PIK3C2A: variants seen among roughly 807,000 people sequenced by gnomAD.
PIK3C2A encodes the protein phosphatidylinositol-4-phosphate 3-kinase catalytic subunit type 2 alpha.
In PIK3C2A, 97 loss-of-function variants were observed where a neutral mutation model predicts 204.5. That is an observed-to-expected ratio of 0.47 (90% confidence interval 0.40 to 0.56). The LOEUF (loss-of-function observed/expected upper bound fraction) is 0.56. Among genes scored for constraint, PIK3C2A ranks in the 20% least tolerant of loss-of-function variants. PIK3C2A has a pLI of 0.00. For missense variants in PIK3C2A, 1,735 were observed against 1,969.2 expected (o/e 0.88, Z 2.25); for synonymous variants, 653 against 664.4 (o/e 0.98, Z 0.26).
intron 24 of PIK3C2A, among the ~76,000 whole-genome samples, chr11:17,102,317 G>C (rs1035577805): frequency 6.7e-4 from 102 of 152,070 alleles, no homozygotes; most frequent in Non-Finnish European, 1.2e-3. Context: ...GGCGCCTGTA[G>C]TCCCAGCTAC....
At chr11:17,145,530 A>G in intron 8 of PIK3C2A, 138 bp downstream of exon 8, 1 of 591,054 alleles carries the variant, frequency 1.7e-6, no homozygotes, top group Non-Finnish European at 3.0e-6. Context: ...AATTAAACCT[A>G]TTTTCTTTAT....
At chr11:17,124,769 A>T (rs1459792029) in intron 13 of PIK3C2A, among the ~76,000 whole-genome samples, 1 of 152,174 alleles carries the variant, frequency 6.6e-6, no homozygotes, top group African/African-American at 2.4e-5. Context: ...TTACAGAAAA[A>T]GTTTGTTAAC....
chr11:17,158,833 G>A (rs6416174), intron 2 of PIK3C2A, among the ~76,000 whole-genome samples: 143,490 of 152,238 alleles, frequency 0.94, 68,207 homozygotes, highest in Non-Finnish European at 1. Flanking sequence ...TGTGTCTCTC[G>A]TGAATTAGGT....
chr11:17,102,969 T>C (rs558977132), intron 23 of PIK3C2A, 138 bp from the exon 24 acceptor site: 140 of 568,566 alleles, frequency 2.5e-4, no homozygotes, highest in African/African-American at 2.1e-3. Flanking sequence ...AACTGGGATA[T>C]AGTAATAAAA....
intron 18 of PIK3C2A, 45 bp from the exon 19 acceptor site, chr11:17,117,716 T>C (rs923125066): frequency 1.7e-6 from 2 of 1,174,406 alleles, no homozygotes; most frequent in African/African-American, 1.6e-5. Context: ...TGGTTTTTTT[T>C]TTTTTTTTTT....
chr11:17,105,275 G>C lies in PIK3C2A; in HGVS notation c.3575C>G (p.Thr1192Ser). The C allele has an allele frequency of 6.2e-7, 1 of 1,610,326 alleles. No individual in the cohort carries two copies. The highest frequency in any genetic ancestry group is 8.5e-7 in the Non-Finnish European group (1 of 1,178,164). The change falls in exon 23 of 33, where the codon ACC becomes AGC. Residue 1192 changes from threonine (T) to serine (S), a missense_variant. This residue lies in a region of PIK3C2A where 503 missense variants were observed against 669.0 expected (regional missense o/e 0.75). Coordinates refer to ENST00000691414, the MANE Select transcript of PIK3C2A (RefSeq NM_002645.4). ...GMVELVPASD[T>S]LRKIQVEYGV... ...ATATTCCACTTGGATTTTCCTGAGG[G>C]TATCGGAAGCAGGAACCAGCTCCAC... is the stretch of plus-strand genomic sequence containing the variant.
chr11:17,149,032 G>C (rs888160502), intron 4 of PIK3C2A, among the ~76,000 whole-genome samples: 11 of 152,016 alleles, frequency 7.2e-5, no homozygotes, highest in African/African-American at 2.4e-4. Flanking sequence ...TGTTGGTTCT[G>C]CATCTGTGGA....
intron 1 of PIK3C2A, among the ~76,000 whole-genome samples, chr11:17,195,987 C>T (rs1283969129): frequency 1.3e-5 from 2 of 151,472 alleles, no homozygotes; most frequent in Admixed American, 6.6e-5. Flanking sequence ...TGCAGTGAGC[C>T]GAGATAGTGC....
rs1848678275 is a variant in PIK3C2A, at chr11:17,102,676, A to G, written c.3837T>C (p.Phe1279=). 1 of 1,609,416 alleles carries G rather than the reference A, an allele frequency of 6.2e-7. No homozygotes were observed. The highest frequency in any genetic ancestry group is 1.7e-5 in the Admixed American group (1 of 58,898). The change falls in exon 24 of 33, where the codon TTT becomes TTC. Residue 1279 remains phenylalanine, a synonymous_variant. Transcript: ENST00000691414. ...TAACATTATACCTTTTGAAGCTGCCAAACATCTGTGCATGTCCCAAAAACT... is the reference window on the plus strand; with the variant it reads ...TAACATTATACCTTTTGAAGCTGCCGAACATCTGTGCATGTCCCAAAAACT... ...FGKFLGHAQM[F]GSFKRDRAPF...
chr11:17,102,163 A>G (rs950449942), intron 24 of PIK3C2A, among the ~76,000 whole-genome samples: 8 of 151,940 alleles, frequency 5.3e-5, no homozygotes, highest in African/African-American at 1.9e-4. Flanking sequence ...TTAGCTGCGC[A>G]TGGTGGCTCA....
intron 1 of PIK3C2A, chr11:17,193,590 G>A (rs1006606243): frequency 1.5e-4 from 58 of 382,854 alleles, no homozygotes; most frequent in African/African-American, 7.3e-4. Flanking sequence ...GCTTACGCCC[G>A]TAATCCCAGC....
chr11:17,094,164 T>A (rs1432781727), intron 28 of PIK3C2A, 97 bp downstream of exon 28: 1 of 835,132 alleles, frequency 1.2e-6, no homozygotes, highest in Non-Finnish European at 1.8e-6. Context: ...ACATGGCCGA[T>A]AATATCTTAC....
chr11:17,114,253 C>T lies in PIK3C2A; in HGVS notation c.3321+108G>A. On this transcript the variant is annotated intron_variant, in intron 20 of 32. Transcript: ENST00000691414. ...TAATCACAACCATCCATGCTTATAACCAACCTGTGCAGGTTTTACCTTCAT... is the reference window on the plus strand; with the variant it reads ...TAATCACAACCATCCATGCTTATAATCAACCTGTGCAGGTTTTACCTTCAT... The T allele has an allele frequency of 6.7e-6, 4 of 601,360 alleles. No individual in the cohort carries two copies. The South Asian group carries it at 9.1e-5, about 14-fold the overall frequency. 37.3% of individuals were successfully genotyped at this position (601,360 alleles called of 1,614,324 possible).
Position 17,122,207 on chromosome 11 carries a change from G to T in PIK3C2A, c.2638C>A (p.His880Asn). 6.3e-7 allele frequency: 1 copy of T among 1,583,094 alleles called. No homozygotes were observed. Among genetic ancestry groups the T allele is most frequent in the Non-Finnish European group, 8.7e-7 (1 of 1,154,566 alleles). ...DIKGKLLDIL[H>N]KDSSLGLSKE... is the part of the protein sequence containing the mutation. Reference sequence around the variant, plus strand: ...ACATACCCAAGTGATGAGTCTTTATGAAGAATATCAAGAAGTTTCCCTTTT... The same window carrying T: ...ACATACCCAAGTGATGAGTCTTTATTAAGAATATCAAGAAGTTTCCCTTTT... The change falls in exon 15 of 33, where the codon CAT becomes AAT. Residue 880 changes from histidine (H) to asparagine (N), a missense_variant. His to Asn is a moderately conservative substitution (Grantham distance 68). Coordinates refer to ENST00000691414, the MANE Select transcript of PIK3C2A (RefSeq NM_002645.4).
chr11:17,140,933 G>A (rs1181531254), intron 8 of PIK3C2A, among the ~76,000 whole-genome samples: 1 of 152,150 alleles, frequency 6.6e-6, no homozygotes, highest in Non-Finnish European at 1.5e-5. Flanking sequence ...TTAAAAAAGT[G>A]TAAGGGTGAG....
In PIK3C2A at chr11:17,091,669, A is replaced by ATTTG; in HGVS notation, c.4643-14_4643-13insCAAA. The ATTTG allele has an allele frequency of 2.0e-6, 3 of 1,471,976 alleles. No individual in the cohort carries two copies. The highest frequency in any genetic ancestry group is 2.8e-6 in the Non-Finnish European group (3 of 1,062,068). 91.2% of individuals were successfully genotyped at this position (1,471,976 alleles called of 1,614,324 possible). ...AAGGAACCTGCATCTGAAAATACAAATATTTTCATCTTTATTTACTGGTTG... is the reference window on the plus strand; with the variant it reads ...AAGGAACCTGCATCTGAAAATACAAATTTGTATTTTCATCTTTATTTACTGGTTG... On this transcript the variant is annotated splice_polypyrimidine_tract_variant and intron_variant, in intron 30 of 32. Transcript: ENST00000691414.
At chr11:17,134,079 G>C (rs552573641) in intron 11 of PIK3C2A, among the ~76,000 whole-genome samples, 131 of 152,206 alleles carry the variant, frequency 8.6e-4, no homozygotes, top group African/African-American at 3.0e-3. Flanking sequence ...TACTGGAAGT[G>C]CTTCAAATAC....
intron 8 of PIK3C2A, among the ~76,000 whole-genome samples, chr11:17,143,526 A>G (rs1208149055): frequency 2.6e-5 from 4 of 152,124 alleles, no homozygotes; most frequent in African/African-American, 7.2e-5. Context: ...TACAGGGCCA[A>G]ACAGTAACAG....
intron 22 of PIK3C2A, among the ~76,000 whole-genome samples, chr11:17,108,804 C>A (rs1848910189): frequency 6.6e-6 from 1 of 152,054 alleles, no homozygotes; most frequent in African/African-American, 2.4e-5. Context: ...CAACAGATTA[C>A]CTGAACCATT....
Sources: allele counts gnomAD v4.1 joint callset (sites outside exome capture counted in the v4.1 genomes callset), GRCh38; gene constraint gnomAD v4.1.1; regional missense constraint gnomAD v4.1.1; transcripts MANE v1.5; gene names NCBI Gene and HGNC (gene_info 2026-07-23, HGNC 2026-07-21).